Variants in CFAP69 observed in about 807,000 individuals in gnomAD.
The protein encoded by CFAP69 is cilia and flagella associated protein 69.
A neutral mutation model predicts 123.0 loss-of-function variants in CFAP69; 92 were observed. That is an observed-to-expected ratio of 0.75 (90% confidence interval 0.63 to 0.89). CFAP69 has a LOEUF of 0.89. Among genes scored for constraint, CFAP69 ranks in the 40% least tolerant of loss-of-function variants. The probability of loss-of-function intolerance (pLI) is 0.00; values close to 1 mark genes in which losing one functional copy is unlikely to be tolerated. For missense variants in CFAP69, 1,067 were observed against 1,096.9 expected (o/e 0.97, Z 0.39); for synonymous variants, 380 against 364.3 (o/e 1.04, Z -0.49).
intron 15 of CFAP69, 23 bp from the exon 16 acceptor site, chr7:90,297,726 G>T: frequency 2.1e-6 from 3 of 1,439,024 alleles, no homozygotes; most frequent in South Asian, 2.4e-5. Flanking sequence ...TTTGTCAAAT[G>T]AATAACTTTC....
intron 5 of CFAP69, among the ~76,000 whole-genome samples, chr7:90,267,663 T>C (rs1171297233): frequency 6.6e-6 from 1 of 152,170 alleles, no homozygotes; most frequent in Non-Finnish European, 1.5e-5. Flanking sequence ...GCTTAAAAAC[T>C]CACTCTCTTC....
intron 13 of CFAP69, among the ~76,000 whole-genome samples, chr7:90,284,689 G>A (rs1276581008): frequency 6.6e-6 from 1 of 152,146 alleles, no homozygotes; most frequent in Non-Finnish European, 1.5e-5. Flanking sequence ...TAGTTTAGAG[G>A]TGGAAAAGAA....
At chr7:90,283,785 G>A (rs1226585402) in intron 13 of CFAP69, among the ~76,000 whole-genome samples, 2 of 152,018 alleles carry the variant, frequency 1.3e-5, no homozygotes. Flanking sequence ...TATATAATCT[G>A]CTAGATGTCA....
At chr7:90,268,136 A>C (rs1799418630) in intron 5 of CFAP69, 150 bp from the exon 6 acceptor site, 1 of 565,562 alleles carries the variant, frequency 1.8e-6, no homozygotes, top group Non-Finnish European at 3.1e-6. Flanking sequence ...GAGCATATGT[A>C]TAAAAATATG....
intron 22 of CFAP69, 105 bp downstream of exon 22, chr7:90,309,472 G>A: frequency 1.8e-6 from 1 of 545,732 alleles, no homozygotes; most frequent in South Asian, 4.9e-5. Context: ...CCATTAAATG[G>A]ATGGATTGTG....
At chr7:90,250,187 GGAGAGAGAGAGAGAGAGAGA>G (rs10527106) in intron 1 of CFAP69, among the ~76,000 whole-genome samples, 88 of 125,788 alleles carry the variant, frequency 7.0e-4, no homozygotes, top group African/African-American at 2.3e-3. Context: ...TTTAAAGAGA[GGAGAGAGAGAGAGAGAGAGA>G]GAGAGAGAGA....
At chr7:90,302,201 A>G (rs6465257) in intron 17 of CFAP69, 76,248 of 151,930 alleles carry the variant, frequency 0.5, 20,104 homozygotes, top group Non-Finnish European at 0.59. Context: ...GTTTAAGTTC[A>G]TTATAGATGC....
At chr7:90,283,484 G>GA (rs929863404) in intron 13 of CFAP69, among the ~76,000 whole-genome samples, 4 of 152,034 alleles carry the variant, frequency 2.6e-5, no homozygotes, top group African/African-American at 7.2e-5. Flanking sequence ...TTTCTGATAT[G>GA]AAATATCAGA....
At chr7:90,308,748 G>A (rs993643006) in intron 21 of CFAP69, among the ~76,000 whole-genome samples, 1 of 152,036 alleles carries the variant, frequency 6.6e-6, no homozygotes, top group African/African-American at 2.4e-5. Flanking sequence ...CTTTCCTGCA[G>A]GTCATTTATT....
chr7:90,264,572 T>A (rs1798863384), intron 4 of CFAP69, among the ~76,000 whole-genome samples: 3 of 152,102 alleles, frequency 2.0e-5, no homozygotes, highest in Admixed American at 2.0e-4. Context: ...TGAGCTTAGA[T>A]CTATGGTTTG....
At chr7:90,305,554 A>G (rs1172880232) in intron 19 of CFAP69, among the ~76,000 whole-genome samples, 1 of 151,106 alleles carries the variant, frequency 6.6e-6, no homozygotes, top group African/African-American at 2.4e-5. Flanking sequence ...CACCACGCCC[A>G]GCTAATTTTT....
intron 15 of CFAP69, among the ~76,000 whole-genome samples, chr7:90,288,592 A>G (rs1374216006): frequency 6.6e-6 from 1 of 152,182 alleles, no homozygotes; most frequent in Non-Finnish European, 1.5e-5. Context: ...CAATTGTAAC[A>G]CAATAGTAAG....
intron 1 of CFAP69, among the ~76,000 whole-genome samples, chr7:90,253,289 T>C (rs1004870993): frequency 1.3e-5 from 2 of 152,196 alleles, no homozygotes; most frequent in Admixed American, 1.3e-4. Flanking sequence ...ACACTTAGAA[T>C]TTGTAGATCC....
the CFAP69 span, among the ~76,000 whole-genome samples, chr7:90,323,148 G>T: frequency 6.6e-6 from 1 of 152,168 alleles, no homozygotes; most frequent in African/African-American, 2.4e-5. Flanking sequence ...ATCTGAAAGT[G>T]ATCTAGAAAT....
chr7:90,259,796 A>T (rs1403527598), intron 3 of CFAP69, among the ~76,000 whole-genome samples: 3 of 151,838 alleles, frequency 2.0e-5, no homozygotes, highest in Non-Finnish European at 2.9e-5. Context: ...ATTTTTTTTT[A>T]ACATTTACAT....
intron 13 of CFAP69, among the ~76,000 whole-genome samples, chr7:90,284,026 T>C (rs1321493089): frequency 6.6e-6 from 1 of 152,140 alleles, no homozygotes; most frequent in Non-Finnish European, 1.5e-5. Flanking sequence ...CTGTGCACAT[T>C]CTGTTGCACA....
Position 90,300,035 on chromosome 7 carries a change from C to T in CFAP69, c.2026C>T (p.Arg676Cys), listed in dbSNP as rs773701562. ...RKEEKELGVK[R>C]DKNGKIIDTK... ...GGAGGAAAAAGAACTAGGAGTAAAA[C>T]GTGATAAAAATGGGAAGATCATTGG... Residue 676 changes from arginine to cysteine, a missense_variant, in exon 17 of 23, where the codon CGT becomes TGT. Transcript: ENST00000389297. The T allele has an allele frequency of 2.7e-5, 43 of 1,594,472 alleles. No individual in the cohort carries two copies. In the Admixed American group the frequency reaches 4.6e-4, roughly 17 times the overall value.
At position 90,303,970 on chromosome 7, in the gene CFAP69, T is replaced by C; in HGVS notation, c.2052T>C (p.Asp684=). ...ATTTTCATGCTATCCAATGATTAGA[T>C]ACAAAAAAACCTCTATTTACTAGCT... ...VKRDKNGKII[D]TKKPLFTSFQ... is the part of the protein sequence containing the mutation. Residue 684 remains aspartate (D), a splice_region_variant and synonymous_variant, in exon 18 of 23, where the codon GAT becomes GAC. Coordinates refer to ENST00000389297, the MANE Select transcript of CFAP69 (RefSeq NM_001039706.3). 1 of 1,547,676 alleles carries C rather than the reference T, an allele frequency of 6.5e-7. No homozygotes were observed. The highest frequency in any genetic ancestry group is 8.7e-7 in the Non-Finnish European group (1 of 1,145,046).
chr7:90,273,082 G>T (rs997318347), intron 8 of CFAP69, among the ~76,000 whole-genome samples: 1 of 152,228 alleles, frequency 6.6e-6, no homozygotes, highest in East Asian at 1.9e-4. Context: ...TAATACAAGG[G>T]AACCTAACTC....
Sources: allele counts gnomAD v4.1 joint callset (sites outside exome capture counted in the v4.1 genomes callset), GRCh38; gene constraint gnomAD v4.1.1; transcripts MANE v1.5; gene names NCBI Gene and HGNC (gene_info 2026-07-23, HGNC 2026-07-21).